Variants in CFAP299 observed in about 807,000 individuals in gnomAD.
The protein encoded by CFAP299 is cilia and flagella associated protein 299.
In CFAP299, 21 loss-of-function variants were observed where a neutral mutation model predicts 27.0. The observed-to-expected ratio is 0.78, with a 90% CI of 0.55 to 1.12. CFAP299 has a LOEUF of 1.12. CFAP299 is among the 50% of genes most tolerant of loss of function. The pLI is 0.00. For synonymous variants in CFAP299, 104 were observed against 98.1 expected, an observed-to-expected ratio of 1.06 and a Z score of -0.36; for missense variants, 310 against 276.6, an observed-to-expected ratio of 1.12 and a Z score of -0.86.
intron 3 of CFAP299, among the ~76,000 whole-genome samples, chr4:80,812,316 C>T (rs926527786): frequency 6.6e-6 from 1 of 152,006 alleles, no homozygotes; most frequent in Non-Finnish European, 1.5e-5. Context: ...GGTGCACACA[C>T]TGACACTGTG....
At chr4:80,470,243 G>T (rs771358519) in intron 2 of CFAP299, among the ~76,000 whole-genome samples, 1 of 151,990 alleles carries the variant, frequency 6.6e-6, no homozygotes, top group Non-Finnish European at 1.5e-5. Flanking sequence ...ATGTAAAAAT[G>T]CTTGGTAAAC....
chr4:80,727,269 TTAC>T (rs1419961688), intron 3 of CFAP299, among the ~76,000 whole-genome samples: 2 of 152,080 alleles, frequency 1.3e-5, no homozygotes, highest in Non-Finnish European at 2.9e-5. Context: ...AATATTTTAC[TTAC>T]TACTTTACTT....
intron 2 of CFAP299, among the ~76,000 whole-genome samples, chr4:80,405,220 C>T (rs146518320): frequency 6.6e-6 from 1 of 152,174 alleles, no homozygotes; most frequent in Admixed American, 6.5e-5. Context: ...GGCTTCTGTT[C>T]TTCTAAGCAG....
chr4:80,855,763 T>G (rs1393634394), intron 3 of CFAP299, among the ~76,000 whole-genome samples: 2 of 152,250 alleles, frequency 1.3e-5, no homozygotes, highest in Non-Finnish European at 1.5e-5. Context: ...TGCATAGTAT[T>G]CCACGGTGTA....
At chr4:80,747,432 C>A (rs1338570389) in intron 3 of CFAP299, among the ~76,000 whole-genome samples, 1 of 151,922 alleles carries the variant, frequency 6.6e-6, no homozygotes, top group East Asian at 1.9e-4. Flanking sequence ...GTATGCAGTT[C>A]AACATTGATT....
chr4:80,783,012 C>A (rs1345285750), intron 3 of CFAP299, among the ~76,000 whole-genome samples: 1 of 151,846 alleles, frequency 6.6e-6, no homozygotes, highest in Non-Finnish European at 1.5e-5. Context: ...TCTATTGCTG[C>A]ATAAAAAATT....
chr4:80,648,442 T>C (rs904974892), intron 3 of CFAP299, among the ~76,000 whole-genome samples: 3 of 152,164 alleles, frequency 2.0e-5, no homozygotes, highest in African/African-American at 7.2e-5. Flanking sequence ...TAACTGTTCT[T>C]TAACAAACTC....
At chr4:80,455,126 C>T (rs1729082637) in intron 2 of CFAP299, among the ~76,000 whole-genome samples, 1 of 152,176 alleles carries the variant, frequency 6.6e-6, no homozygotes, top group African/African-American at 2.4e-5. Context: ...TGTGCAACTC[C>T]TAAGCCATAA....
intron 2 of CFAP299, among the ~76,000 whole-genome samples, chr4:80,542,029 C>T (rs962590443): frequency 6.6e-6 from 1 of 151,728 alleles, no homozygotes; most frequent in Non-Finnish European, 1.5e-5. Flanking sequence ...TAAGAAAATC[C>T]AAAGTAGTTT....
At chr4:80,854,726 G>T (rs1004000085) in intron 3 of CFAP299, among the ~76,000 whole-genome samples, 1 of 149,182 alleles carries the variant, frequency 6.7e-6, no homozygotes, top group South Asian at 2.1e-4. Context: ...AAAAAAATTG[G>T]GAGCGTGGGC....
intron 3 of CFAP299, among the ~76,000 whole-genome samples, chr4:80,762,568 G>A (rs1252096509): frequency 1.3e-5 from 2 of 152,088 alleles, no homozygotes; most frequent in African/African-American, 4.8e-5. Flanking sequence ...TCTCATCTGG[G>A]AACAGATGAG....
At chr4:80,395,638 A>G (rs1578396979) in intron 2 of CFAP299, among the ~76,000 whole-genome samples, 1 of 152,122 alleles carries the variant, frequency 6.6e-6, no homozygotes, top group Non-Finnish European at 1.5e-5. Context: ...ATTATGTTTA[A>G]TGAGTCCTAA....
chr4:80,924,600 C>T (rs1199577927), intron 4 of CFAP299, among the ~76,000 whole-genome samples: 2 of 148,386 alleles, frequency 1.3e-5, no homozygotes, highest in African/African-American at 5.0e-5. Context: ...ATTGCTCAAT[C>T]ATTTATAAGT....
At chr4:80,321,528 G>A in the CFAP299 span, among the ~76,000 whole-genome samples, 9 of 151,534 alleles carry the variant, frequency 5.9e-5, no homozygotes, top group East Asian at 2.0e-4. Flanking sequence ...GCCCACCACC[G>A]CCACTGCCCC....
Position 80,926,544 on chromosome 4 carries a change from G to A in CFAP299, c.477-18266G>A, listed in dbSNP as rs560055237. On this transcript the variant is annotated intron_variant, in intron 4 of 5. Transcript: ENST00000358105. ...ATTAAAGAGATGGAATCTGTAAGAC[G>A]TGATGAAAGACAAGATGCATGGAGA... Among the ~76,000 whole-genome samples the A allele has an allele frequency of 2.2e-4, 33 of 152,060 alleles. No individual in the cohort carries two copies. In the South Asian group the frequency reaches 5.4e-3, roughly 25 times the overall value.
intron 3 of CFAP299, among the ~76,000 whole-genome samples, chr4:80,714,206 A>G (rs1249789746): frequency 2.0e-5 from 3 of 152,074 alleles, no homozygotes; most frequent in African/African-American, 7.2e-5. Context: ...ATATTTTTAT[A>G]TGAAGTGTGG....
intron 5 of CFAP299, among the ~76,000 whole-genome samples, chr4:80,949,415 G>A (rs1381192032): frequency 2.0e-5 from 3 of 152,036 alleles, no homozygotes; most frequent in African/African-American, 7.2e-5. Flanking sequence ...ATGGTGAAGG[G>A]AGAGCATTGG....
intron 2 of CFAP299, among the ~76,000 whole-genome samples, chr4:80,391,831 G>T (rs1725499495): frequency 1.3e-5 from 2 of 152,118 alleles, no homozygotes; most frequent in African/African-American, 4.8e-5. Flanking sequence ...GCCAGGCATG[G>T]TGGGACATGC....
At chr4:80,633,982 C>CTTTTT (rs1225649545) in intron 3 of CFAP299, among the ~76,000 whole-genome samples, 4 of 115,176 alleles carry the variant, frequency 3.5e-5, no homozygotes, top group African/African-American at 1.3e-4. Context: ...GAGGAGAAAA[C>CTTTTT]TTTTTTTTTT....
Sources: allele counts gnomAD v4.1 joint callset (sites outside exome capture counted in the v4.1 genomes callset), GRCh38; gene constraint gnomAD v4.1.1; transcripts MANE v1.5; gene names NCBI Gene and HGNC (gene_info 2026-07-23, HGNC 2026-07-21).